Variants in NEDD4L observed in about 807,000 individuals in gnomAD.
The protein encoded by NEDD4L is NEDD4 like E3 ubiquitin protein ligase, also known as E3 ubiquitin-protein ligase NEDD4-like.
Under a neutral mutation model 148.9 loss-of-function variants are expected in NEDD4L, and 54 were observed. The ratio of observed to expected loss-of-function variants is 0.36; its 90% CI spans 0.29 to 0.45. NEDD4L has a LOEUF of 0.45. Ranked by LOEUF, NEDD4L falls within the 20% of genes least tolerant of loss-of-function variation. NEDD4L has a pLI of 1.00. For missense variants in NEDD4L, 856 were observed against 1,233.8 expected (o/e 0.69, Z 4.59); for synonymous variants, 433 against 440.7 (o/e 0.98, Z 0.22).
At chr18:58,064,227 G>A (rs561283359) in intron 1 of NEDD4L, among the ~76,000 whole-genome samples, 20 of 152,256 alleles carry the variant, frequency 1.3e-4, no homozygotes, top group African/African-American at 4.6e-4. Context: ...GCTTCCCAAA[G>A]TGCTGGGATT....
At position 58,083,697 on chromosome 18, in the gene NEDD4L, A is replaced by AC. The variant is rs71173030; in HGVS notation, c.48+38989_48+38990insC. 7.0e-3 allele frequency among the ~76,000 whole-genome samples: 1,053 copies of AC among 149,850 alleles called. 11 individuals carry two copies. The highest frequency in any genetic ancestry group is 0.033 in the South Asian group (153 of 4,668). ...AGCGAGACTCCATCTCAAAAAACAA[A>AC]AAAAACAAAACAACAACAACAGAAA... On this transcript the variant is annotated intron_variant, in intron 1 of 30. Coordinates refer to ENST00000400345, the MANE Select transcript of NEDD4L (RefSeq NM_001144967.3).
At chr18:58,206,760 T>G (rs905048511) in intron 2 of NEDD4L, among the ~76,000 whole-genome samples, 1 of 152,192 alleles carries the variant, frequency 6.6e-6, no homozygotes, top group African/African-American at 2.4e-5. Context: ...TGGAGGCATT[T>G]AAGTGTGTGG....
At chr18:58,340,717 A>C (rs548873069) in intron 13 of NEDD4L, among the ~76,000 whole-genome samples, 1 of 152,358 alleles carries the variant, frequency 6.6e-6, no homozygotes, top group Admixed American at 6.5e-5. Flanking sequence ...AGTGGAATTT[A>C]GTAGCTAGAA....
chr18:58,098,726 G>T (rs2145445810), intron 1 of NEDD4L, among the ~76,000 whole-genome samples: 1 of 152,026 alleles, frequency 6.6e-6, no homozygotes, highest in Non-Finnish European at 1.5e-5. Context: ...AGAAGGAATT[G>T]GTCTCTTTTA....
chr18:58,157,483 T>G (rs575319208), intron 1 of NEDD4L, among the ~76,000 whole-genome samples: 1 of 152,278 alleles, frequency 6.6e-6, no homozygotes, highest in East Asian at 1.9e-4. Flanking sequence ...CACACACCCT[T>G]TCTATCTTAT....
At chr18:58,387,359 C>G in intron 26 of NEDD4L, 80 bp from the exon 27 acceptor site, 4 of 1,440,934 alleles carry the variant, frequency 2.8e-6, no homozygotes, top group Non-Finnish European at 2.7e-6. Context: ...TCTGGCTAAC[C>G]AGAAAAGTTT....
At chr18:58,324,612 G>T (rs1296212538) in intron 8 of NEDD4L, among the ~76,000 whole-genome samples, 1 of 152,192 alleles carries the variant, frequency 6.6e-6, no homozygotes. Context: ...GTACTGTGAC[G>T]CACATCATTG....
At chr18:58,362,606 A>G (rs1424711946) in intron 19 of NEDD4L, among the ~76,000 whole-genome samples, 1 of 152,102 alleles carries the variant, frequency 6.6e-6, no homozygotes, top group Non-Finnish European at 1.5e-5. Context: ...TTATTCATTG[A>G]TTTCCTATTG....
chr18:58,263,160 A>G (rs1293762484), intron 5 of NEDD4L, among the ~76,000 whole-genome samples: 1 of 152,178 alleles, frequency 6.6e-6, no homozygotes, highest in Non-Finnish European at 1.5e-5. Flanking sequence ...TGGTTCCCTT[A>G]AGTGCCTGCA....
chr18:58,338,826 G>C (rs1020167208), intron 13 of NEDD4L, among the ~76,000 whole-genome samples: 1 of 152,204 alleles, frequency 6.6e-6, no homozygotes, highest in Non-Finnish European at 1.5e-5. Context: ...TAAGGCAGGA[G>C]AATCACTTGA....
chr18:58,321,623 T>C (rs758773484), intron 6 of NEDD4L, among the ~76,000 whole-genome samples: 79 of 152,238 alleles, frequency 5.2e-4, no homozygotes, highest in Non-Finnish European at 1.5e-4. Flanking sequence ...CATACGTACA[T>C]ACATGTGTGT....
At chr18:58,274,670 C>T (rs933627675) in intron 5 of NEDD4L, among the ~76,000 whole-genome samples, 1 of 152,176 alleles carries the variant, frequency 6.6e-6, no homozygotes, top group African/African-American at 2.4e-5. Context: ...TAGGCCTGCA[C>T]CAAGATCCAG....
intron 16 of NEDD4L, among the ~76,000 whole-genome samples, chr18:58,346,637 GA>G (rs900109037): frequency 6.6e-6 from 1 of 152,072 alleles, no homozygotes; most frequent in African/African-American, 2.4e-5. Flanking sequence ...TATATATTTT[GA>G]ATTAGGAAAG....
chr18:58,094,543 C>T (rs1193735769), intron 1 of NEDD4L, among the ~76,000 whole-genome samples: 1 of 152,180 alleles, frequency 6.6e-6, no homozygotes, highest in Non-Finnish European at 1.5e-5. Flanking sequence ...GCACCCATTT[C>T]ACCCGGCATT....
intron 16 of NEDD4L, among the ~76,000 whole-genome samples, chr18:58,346,896 T>A (rs1356530000): frequency 6.6e-6 from 1 of 152,032 alleles, no homozygotes; most frequent in Admixed American, 6.5e-5. Flanking sequence ...CGCCACTTCA[T>A]GTGCCCTGGC....
At chr18:58,221,720 C>T (rs1447260289) in intron 2 of NEDD4L, 1 of 985,260 alleles carries the variant, frequency 1.0e-6, no homozygotes, top group African/African-American at 1.7e-5. Flanking sequence ...TGAACACTTT[C>T]CAGCCTTGTT....
chr18:58,225,002 A>T (rs1421905966), intron 2 of NEDD4L, among the ~76,000 whole-genome samples: 2 of 152,074 alleles, frequency 1.3e-5, no homozygotes, highest in African/African-American at 4.8e-5. Context: ...TTGTTTATTG[A>T]TAGGGGCCAC....
intron 5 of NEDD4L, among the ~76,000 whole-genome samples, chr18:58,270,376 A>G (rs1408029560): frequency 6.6e-6 from 1 of 152,222 alleles, no homozygotes; most frequent in Admixed American, 6.5e-5. Flanking sequence ...AGCCCAAACC[A>G]CCAGCTCCCC....
chr18:58,278,982 C>T (rs2148930976), intron 5 of NEDD4L, among the ~76,000 whole-genome samples: 1 of 152,298 alleles, frequency 6.6e-6, no homozygotes. Context: ...AGTGATTCTC[C>T]TGCCTCAGCC....
Sources: gnomAD v4.1 joint callset for allele counts (sites outside exome capture counted in the v4.1 genomes callset) on GRCh38, gnomAD v4.1.1 for gene constraint, MANE v1.5 for transcripts, NCBI Gene and HGNC (gene_info 2026-07-23, HGNC 2026-07-21) for gene names.